Variants in SYNE1 observed in about 807,000 individuals in gnomAD.
The protein encoded by SYNE1 is spectrin repeat containing nuclear envelope protein 1.
Under a neutral mutation model 1,111.0 loss-of-function variants are expected in SYNE1, and 616 were observed. That is an observed-to-expected ratio of 0.55 (90% CI 0.52 to 0.59). The LOEUF (loss-of-function observed/expected upper bound fraction) is 0.59, where lower values mean the gene tolerates loss of function less well. Among genes scored for constraint, SYNE1 ranks in the 20% least tolerant of loss-of-function variants. SYNE1 has a pLI of 0.00. For missense variants in SYNE1, 10,006 were observed against 10,417.0 expected, an observed-to-expected ratio of 0.96 and a Z score of 1.72; for synonymous variants, 3,855 against 3,825.8, an observed-to-expected ratio of 1.01 and a Z score of -0.28.
At chr6:152,479,104 G>T (rs1345252994) in intron 14 of SYNE1, among the ~76,000 whole-genome samples, 1 of 152,180 alleles carries the variant, frequency 6.6e-6, no homozygotes, top group Non-Finnish European at 1.5e-5. Context: ...CAAAGAGCTT[G>T]TGGAGGGGTC....
intron 3 of SYNE1, among the ~76,000 whole-genome samples, chr6:152,622,302 T>C (rs1315302874): frequency 6.6e-6 from 1 of 152,126 alleles, no homozygotes; most frequent in Non-Finnish European, 1.5e-5. Flanking sequence ...GGGGTACATG[T>C]GCAGGTATGT....
At chr6:152,581,033 T>G (rs1464189151) in intron 3 of SYNE1, among the ~76,000 whole-genome samples, 1 of 152,216 alleles carries the variant, frequency 6.6e-6, no homozygotes, top group East Asian at 1.9e-4. Context: ...CATTGATCAG[T>G]TAGTCTCTAC....
At chr6:152,417,043 C>G in intron 40 of SYNE1, 28 bp from the exon 41 acceptor site, 1 of 1,612,422 alleles carries the variant, frequency 6.2e-7, no homozygotes, top group South Asian at 1.1e-5. Context: ...GTTATTGATT[C>G]CTGAGATACA....
intron 69 of SYNE1, 71 bp downstream of exon 69, chr6:152,353,192 A>G (rs1350291495): frequency 6.4e-7 from 1 of 1,558,568 alleles, no homozygotes; most frequent in Non-Finnish European, 8.8e-7. Context: ...TGTTTCCAGT[A>G]TCTATGCAGG....
chr6:152,279,716 CA>C (rs71017531), intron 97 of SYNE1, among the ~76,000 whole-genome samples: 1,535 of 63,082 alleles, frequency 0.024, 4 homozygotes, highest in African/African-American at 0.045. Context: ...GACCTTGTCT[CA>C]AAAAAAAAAA....
intron 130 of SYNE1, chr6:152,168,101 G>A: frequency 1.3e-6 from 1 of 780,596 alleles, no homozygotes. Flanking sequence ...AGAAACTCAA[G>A]AAGATGCCTG....
intron 3 of SYNE1, among the ~76,000 whole-genome samples, chr6:152,592,727 C>G (rs2099570610): frequency 6.6e-6 from 1 of 152,176 alleles, no homozygotes; most frequent in African/African-American, 2.4e-5. Flanking sequence ...AAAAGAAAAT[C>G]AAAGTCCTTC....
intron 66 of SYNE1, 113 bp downstream of exon 66, chr6:152,358,260 T>C: frequency 2.9e-6 from 4 of 1,390,178 alleles, no homozygotes; most frequent in Non-Finnish European, 4.1e-6. Context: ...TTGCACTTAA[T>C]GTGTATCAAC....
rs1554507612 is a variant in SYNE1, at chr6:152,346,809, C to CAAAAA, written c.12078+249_12078+250insTTTTT. 2.6e-3 allele frequency among the ~76,000 whole-genome samples: 392 copies of CAAAAA among 151,340 alleles called. 2 individuals carry two copies. Among genetic ancestry groups the CAAAAA allele is most frequent in the African/African-American group, 9.2e-3 (376 of 40,730 alleles). ...TGTGCGACAGAGTGAGACTCCGTCT[C>CAAAAA]AAACAAAACAAAACAAAACAAAAAA... On this transcript the variant is annotated intron_variant, in intron 73 of 145. Coordinates refer to ENST00000367255, the MANE Select transcript of SYNE1 (RefSeq NM_182961.4).
Position 152,140,129 on chromosome 6 carries a change from G to A in SYNE1, c.25279C>T (p.Gln8427Ter). The A allele has an allele frequency of 6.2e-7, 1 of 1,614,178 alleles. No homozygotes were observed. Among genetic ancestry groups the A allele is most frequent in the African/African-American group, 1.3e-5 (1 of 75,038 alleles). ...ATCCTCAACTCCTTGCTCAATGCCT[G>A]GGCCTGGAGAAGCTCCCATCGGTCA... ...VIDRWELLQAQALSKELRMKQ... is the reference protein window; with the variant it reads ...VIDRWELLQA Residue 8427 changes from glutamine (Q) to a stop codon, truncating the protein, a stop_gained, in exon 140 of 146, where the codon CAG (glutamine) becomes TAG (stop). Transcript: ENST00000367255. LOFTEE classifies it high-confidence loss of function.
At chr6:152,477,859 G>A (rs2098844407) in intron 14 of SYNE1, among the ~76,000 whole-genome samples, 1 of 152,114 alleles carries the variant, frequency 6.6e-6, no homozygotes, top group Non-Finnish European at 1.5e-5. Context: ...TTTAATTCCT[G>A]GGCTCAAGCA....
chr6:152,218,967 C>A, intron 120 of SYNE1, 36 bp downstream of exon 120: 2 of 1,601,220 alleles, frequency 1.2e-6, no homozygotes, highest in Non-Finnish European at 1.7e-6. Flanking sequence ...TAGAGAACAG[C>A]CAATATACAG....
At chr6:152,188,772 C>T (rs2071027108) in intron 128 of SYNE1, among the ~76,000 whole-genome samples, 1 of 151,290 alleles carries the variant, frequency 6.6e-6, no homozygotes, top group South Asian at 2.1e-4. Flanking sequence ...TCCTGGCTAA[C>T]ACGGTGAAAC....
intron 74 of SYNE1, among the ~76,000 whole-genome samples, chr6:152,342,258 T>C (rs1195394550): frequency 6.6e-6 from 1 of 152,230 alleles, no homozygotes; most frequent in African/African-American, 2.4e-5. Context: ...TCTCCCTTTA[T>C]CTCTTTTATT....
intron 145 of SYNE1, 106 bp from the exon 146 acceptor site, chr6:152,122,782 C>A (rs907315699): frequency 3.9e-6 from 6 of 1,556,798 alleles, no homozygotes; most frequent in Non-Finnish European, 5.2e-6. Context: ...GCCAAGCACA[C>A]CCCAGCCTGG....
At chr6:152,409,815 A>T (rs2097985470) in intron 42 of SYNE1, 106 bp from the exon 43 acceptor site, 7 of 1,205,302 alleles carry the variant, frequency 5.8e-6, no homozygotes, top group Non-Finnish European at 8.4e-6. Flanking sequence ...ATTAATACTC[A>T]TAGACGGATT....
chr6:152,367,590 G>A, intron 61 of SYNE1: 6 of 598,658 alleles, frequency 1.0e-5, no homozygotes, highest in South Asian at 9.8e-5. Context: ...AAAAAAAAAA[G>A]TTACAATTTT....
chr6:152,393,865 T>C (rs1432795028), intron 51 of SYNE1, among the ~76,000 whole-genome samples: 2 of 152,216 alleles, frequency 1.3e-5, no homozygotes, highest in African/African-American at 4.8e-5. Flanking sequence ...CTGGGATACA[T>C]GTGCAGAATG....
intron 3 of SYNE1, among the ~76,000 whole-genome samples, chr6:152,591,088 T>C (rs1237609143): frequency 1.3e-5 from 2 of 152,230 alleles, no homozygotes; most frequent in Non-Finnish European, 2.9e-5. Flanking sequence ...ATTCTCCTTT[T>C]AGAGATCTTT....
Sources: allele counts gnomAD v4.1 joint callset (sites outside exome capture counted in the v4.1 genomes callset), GRCh38; gene constraint gnomAD v4.1.1; transcripts MANE v1.5; gene names NCBI Gene and HGNC (gene_info 2026-07-23, HGNC 2026-07-21).